PMP22: variants seen among roughly 807,000 people sequenced by gnomAD.
PMP22 encodes Charcot-Marie-Tooth neuropathy 1A (greatly reduced nerve conduction velocity, hereditary motor sensory neuropathy Ia).
Under a neutral mutation model 18.9 loss-of-function variants are expected in PMP22, and 2 were observed. The ratio of observed to expected loss-of-function variants is 0.11; its 90% confidence interval spans 0.04 to 0.33. PMP22 has a LOEUF of 0.33. Among genes scored for constraint, PMP22 ranks in the 10% least tolerant of loss-of-function variants. The pLI is 1.00. For missense variants in PMP22, 169 were observed against 202.2 expected (o/e 0.84, Z 1.00); for synonymous variants, 95 against 89.2 (o/e 1.07, Z -0.37).
chr17:15,237,190 A>G (rs976096505), intron 4 of PMP22, among the ~76,000 whole-genome samples: 1 of 152,234 alleles, frequency 6.6e-6, no homozygotes, highest in African/African-American at 2.4e-5. Context: ...AATATACTTA[A>G]ATCGCAATAC....
At chr17:15,253,809 C>A (rs769842368) in intron 3 of PMP22, among the ~76,000 whole-genome samples, 1 of 152,148 alleles carries the variant, frequency 6.6e-6, no homozygotes. Context: ...CTCAAGGAGA[C>A]CTTCCTTCAC....
chr17:15,260,296 GA>G (rs58225646), intron 2 of PMP22: 27 of 319,882 alleles, frequency 8.4e-5, no homozygotes, highest in South Asian at 1.7e-4. Flanking sequence ...ATGGTTTGGA[GA>G]AAAAAAAATC....
intron 3 of PMP22, among the ~76,000 whole-genome samples, chr17:15,252,184 G>A (rs1162942766): frequency 6.6e-6 from 1 of 152,142 alleles, no homozygotes; most frequent in African/African-American, 2.4e-5. Context: ...CTGAGCCACA[G>A]ACAAGGAAAT....
intron 4 of PMP22, among the ~76,000 whole-genome samples, chr17:15,239,122 T>C (rs1411542060): frequency 6.6e-6 from 1 of 152,222 alleles, no homozygotes; most frequent in East Asian, 1.9e-4. Flanking sequence ...AGCCTGACCT[T>C]TGCTCTACAG....
chr17:15,259,319 C>T, intron 2 of PMP22, 126 bp from the exon 3 acceptor site: 1 of 755,466 alleles, frequency 1.3e-6, no homozygotes, highest in Non-Finnish European at 2.4e-6. Flanking sequence ...CCCACCCCTG[C>T]ATGGTAAGAG....
At chr17:15,243,599 A>G (rs1482860866) in intron 3 of PMP22, among the ~76,000 whole-genome samples, 1 of 151,006 alleles carries the variant, frequency 6.6e-6, no homozygotes, top group African/African-American at 2.4e-5. Context: ...TTTGCTTATT[A>G]CAGTATATGG....
chr17:15,240,516 C>A (rs1398081957), intron 3 of PMP22, among the ~76,000 whole-genome samples: 6 of 150,062 alleles, frequency 4.0e-5, no homozygotes, highest in Non-Finnish European at 7.4e-5. Flanking sequence ...ACTTCCTTAT[C>A]TCTGTTGAAC....
intron 1 of PMP22, among the ~76,000 whole-genome samples, chr17:15,264,210 ATAGG>A (rs148785223): frequency 8.7e-5 from 13 of 150,180 alleles, no homozygotes; most frequent in East Asian, 3.9e-4. Context: ...TGTAACTCTG[ATAGG>A]TAGGTAGGTA....
chr17:15,262,306 C>T (rs375042890), intron 1 of PMP22: 7 of 152,414 alleles, frequency 4.6e-5, no homozygotes, highest in East Asian at 1.9e-4. Context: ...CCCTGTGCCC[C>T]TAAACAGAAG....
At chr17:15,252,518 C>T (rs1344899814) in intron 3 of PMP22, among the ~76,000 whole-genome samples, 16 of 152,174 alleles carry the variant, frequency 1.1e-4, no homozygotes, top group Admixed American at 1.0e-3. Context: ...CAGAGCAGAC[C>T]CACCTGTTGT....
intron 3 of PMP22, among the ~76,000 whole-genome samples, chr17:15,244,448 C>T (rs933292864): frequency 6.6e-6 from 1 of 152,068 alleles, no homozygotes; most frequent in Non-Finnish European, 1.5e-5. Context: ...ACACCTCTAG[C>T]GTAATGACAC....
At chr17:15,249,264 G>A (rs1393850994) in intron 3 of PMP22, among the ~76,000 whole-genome samples, 1 of 152,088 alleles carries the variant, frequency 6.6e-6, no homozygotes, top group Admixed American at 6.5e-5. Context: ...AACATGAACA[G>A]AGGCTCCGGG....
intron 3 of PMP22, 69 bp downstream of exon 3, chr17:15,259,025 C>G: frequency 1.7e-6 from 2 of 1,170,870 alleles, no homozygotes; most frequent in South Asian, 1.3e-5. Context: ...TAAGCGTTTC[C>G]AGCTCTGGGC....
intron 3 of PMP22, among the ~76,000 whole-genome samples, chr17:15,255,775 G>A (rs886341310): frequency 5.9e-5 from 9 of 152,104 alleles, no homozygotes; most frequent in African/African-American, 1.7e-4. Context: ...CCCATCCTTT[G>A]GAGGATGGAT....
At chr17:15,259,593 A>C (rs1909131099) in intron 2 of PMP22, among the ~76,000 whole-genome samples, 1 of 152,090 alleles carries the variant, frequency 6.6e-6, no homozygotes, top group South Asian at 2.1e-4. Flanking sequence ...ATGCTTGTAA[A>C]TGTTAAACTA....
Position 15,237,007 on chromosome 17 carries a change from A to G in PMP22, c.319+2464T>C, listed in dbSNP as rs1183750962. On this transcript the variant is annotated intron_variant, in intron 4 of 4. Transcript: ENST00000312280. ...TAATTTCTTATTCAAATGTGGACCA[A>G]CAGATAACTGAAAATTCAGTTTCAT... Among the ~76,000 whole-genome samples the G allele has an allele frequency of 3.9e-5, 6 of 152,340 alleles. No individual in the cohort carries two copies. In the South Asian group the frequency reaches 1.2e-3, roughly 32 times the overall value.
At chr17:15,232,859 C>T (rs1476881740) in intron 4 of PMP22, among the ~76,000 whole-genome samples, 1 of 152,180 alleles carries the variant, frequency 6.6e-6, no homozygotes, top group African/African-American at 2.4e-5. Flanking sequence ...AGTGCAGCGA[C>T]TAACTACACA....
intron 2 of PMP22, among the ~76,000 whole-genome samples, chr17:15,259,951 A>AAAG (rs1567718655): frequency 4.0e-5 from 6 of 151,340 alleles, no homozygotes; most frequent in Admixed American, 1.3e-4. Context: ...AAAAAAAAAA[A>AAAG]AAAAGAAAAG....
chr17:15,243,486 A>G (rs1209329762), intron 3 of PMP22, among the ~76,000 whole-genome samples: 1 of 151,904 alleles, frequency 6.6e-6, no homozygotes, highest in Non-Finnish European at 1.5e-5. Flanking sequence ...CACAACAGCA[A>G]CTAAAAACCA....
Sources: gnomAD v4.1 joint callset for allele counts (sites outside exome capture counted in the v4.1 genomes callset) on GRCh38, gnomAD v4.1.1 for gene constraint, MANE v1.5 for transcripts, NCBI Gene and HGNC (gene_info 2026-07-23, HGNC 2026-07-21) for gene names.